Variants in PRLR observed in about 807,000 individuals in gnomAD.
PRLR encodes prolactin receptor.
In PRLR, 13 loss-of-function variants were observed where a neutral mutation model predicts 40.2. The ratio of observed to expected loss-of-function variants is 0.32; its 90% confidence interval spans 0.21 to 0.51. The LOEUF (loss-of-function observed/expected upper bound fraction) is 0.51. PRLR is among the 20% of genes least tolerant of loss of function. The pLI is 0.97. For missense variants in PRLR, 656 were observed against 747.3 expected, an observed-to-expected ratio of 0.88 and a Z score of 1.42; for synonymous variants, 269 against 278.7, an observed-to-expected ratio of 0.97 and a Z score of 0.35.
intron 1 of PRLR, among the ~76,000 whole-genome samples, chr5:35,189,765 G>C (rs1775550367): frequency 6.6e-6 from 1 of 152,094 alleles, no homozygotes; most frequent in African/African-American, 2.4e-5. Context: ...TTCAGCCTTA[G>C]GTTCGTTATC....
At chr5:35,153,087 G>T (rs1774384597) in intron 1 of PRLR, 1 of 152,134 alleles carries the variant, frequency 6.6e-6, no homozygotes. Flanking sequence ...ATCCTTCAGG[G>T]TTATTCTGAA....
intron 6 of PRLR, among the ~76,000 whole-genome samples, chr5:35,071,259 G>A (rs1769729415): frequency 6.6e-6 from 1 of 152,162 alleles, no homozygotes; most frequent in South Asian, 2.1e-4. Flanking sequence ...AAGGTACAAG[G>A]TGGGATACTC....
At chr5:35,182,212 T>G (rs1016848056) in intron 1 of PRLR, among the ~76,000 whole-genome samples, 4 of 152,184 alleles carry the variant, frequency 2.6e-5, no homozygotes, top group African/African-American at 9.7e-5. Flanking sequence ...ATGGCTGACC[T>G]AAAGAAACTG....
downstream of PRLR, among the ~76,000 whole-genome samples, chr5:35,053,877 G>T (rs1049837424): frequency 1.3e-5 from 2 of 152,082 alleles, no homozygotes; most frequent in African/African-American, 4.8e-5. Flanking sequence ...GGTGGTGTGA[G>T]AATTAATATA....
At position 35,185,530 on chromosome 5, in the gene PRLR, G is replaced by T. The variant is rs897771381; in HGVS notation, c.-106+44738C>A. Among the ~76,000 whole-genome samples, 109 of 152,254 alleles carry T rather than the reference G, an allele frequency of 7.2e-4. 2 individuals carry two copies. Among genetic ancestry groups the T allele is most frequent in the Admixed American group, 6.8e-3 (104 of 15,294 alleles). The stretch of plus-strand genomic sequence containing the variant: ...GGGTTTGTGTATCTATCTGTCTGGG[G>T]TCCTGAGGAGGAACCCAGTGGGGAC... On this transcript the variant is annotated intron_variant, in intron 1 of 9. Coordinates refer to ENST00000618457, the MANE Select transcript of PRLR (RefSeq NM_000949.7).
intron 5 of PRLR, among the ~76,000 whole-genome samples, chr5:35,075,943 C>T (rs1278849754): frequency 6.6e-6 from 1 of 152,184 alleles, no homozygotes; most frequent in Admixed American, 6.6e-5. Flanking sequence ...GAGTGGACCT[C>T]CAACAAACTC....
At chr5:35,172,484 A>C (rs1292951319) in intron 1 of PRLR, among the ~76,000 whole-genome samples, 2 of 152,062 alleles carry the variant, frequency 1.3e-5, no homozygotes, top group African/African-American at 4.8e-5. Flanking sequence ...CTTTCTACAG[A>C]ACTCTCCCTT....
downstream of PRLR, among the ~76,000 whole-genome samples, chr5:35,053,303 A>T (rs548495262): frequency 7.2e-5 from 11 of 152,356 alleles, no homozygotes; most frequent in Admixed American, 5.2e-4. Flanking sequence ...AAACCTACAA[A>T]TTATAAGAAT....
rs756651969 is a variant in PRLR, at chr5:35,089,594, G to A, written c.27C>T (p.Thr9=). MKENVASA[T]VFTLLLFLNT... is the part of the protein sequence containing the mutation. Reference sequence around the variant, plus strand: ...TGAGAAAAAGTAGCAGAGTGAAAACGGTTGCAGATGCCACATTTTCCTTCA... The same window carrying A: ...TGAGAAAAAGTAGCAGAGTGAAAACAGTTGCAGATGCCACATTTTCCTTCA... Residue 9 remains threonine, a synonymous_variant, in exon 3 of 10, where the codon ACC becomes ACT. Coordinates refer to ENST00000618457, the MANE Select transcript of PRLR (RefSeq NM_000949.7). The A allele has an allele frequency of 7.4e-6, 12 of 1,613,884 alleles. No individual in the cohort carries two copies. The highest frequency in any genetic ancestry group is 4.0e-5 in the African/African-American group (3 of 74,908).
chr5:35,131,612 G>C (rs1773682087), intron 1 of PRLR, among the ~76,000 whole-genome samples: 1 of 152,148 alleles, frequency 6.6e-6, no homozygotes, highest in Non-Finnish European at 1.5e-5. Flanking sequence ...ACATTCCCTG[G>C]GACGGGCTGG....
intron 1 of PRLR, among the ~76,000 whole-genome samples, chr5:35,198,721 TCTTTTTCTCTCTGCTC>T (rs558459954): frequency 9.8e-5 from 15 of 152,356 alleles, no homozygotes; most frequent in Admixed American, 5.9e-4. Context: ...TGGTCTTTGT[TCTTTTTCTCTCTGCTC>T]CTTTTCCACC....
chr5:35,213,650 T>C (rs551448127), intron 1 of PRLR, among the ~76,000 whole-genome samples: 1 of 152,230 alleles, frequency 6.6e-6, no homozygotes, highest in African/African-American at 2.4e-5. Context: ...CAATGAACAA[T>C]AACAAGCATC....
intron 5 of PRLR, among the ~76,000 whole-genome samples, chr5:35,078,281 G>C (rs1770250738): frequency 2.0e-5 from 3 of 151,886 alleles, no homozygotes; most frequent in Admixed American, 1.3e-4. Flanking sequence ...TTTTTGAAAA[G>C]ATCAACAAAA....
chr5:35,175,091 GGATA>G (rs1019105289), intron 1 of PRLR, among the ~76,000 whole-genome samples: 4 of 152,156 alleles, frequency 2.6e-5, no homozygotes, highest in African/African-American at 4.8e-5. Flanking sequence ...ACAGATGGAT[GGATA>G]GATAGATAGA....
At chr5:35,212,279 T>A (rs1776189346) in intron 1 of PRLR, among the ~76,000 whole-genome samples, 1 of 152,374 alleles carries the variant, frequency 6.6e-6, no homozygotes, top group East Asian at 1.9e-4. Flanking sequence ...TTAAAGATAC[T>A]TCCTGAATTT....
chr5:35,116,451 T>C (rs1021905561), intron 2 of PRLR, among the ~76,000 whole-genome samples: 6 of 152,192 alleles, frequency 3.9e-5, no homozygotes, highest in African/African-American at 1.4e-4. Flanking sequence ...TATGAATACA[T>C]GTCTATGAAT....
intron 1 of PRLR, among the ~76,000 whole-genome samples, chr5:35,178,955 A>T (rs1162089867): frequency 6.6e-6 from 1 of 152,168 alleles, no homozygotes; most frequent in Non-Finnish European, 1.5e-5. Flanking sequence ...ACATCTCCTC[A>T]TGATGTCATA....
chr5:35,205,373 G>A (rs1195017583), intron 1 of PRLR, among the ~76,000 whole-genome samples: 1 of 152,076 alleles, frequency 6.6e-6, no homozygotes, highest in African/African-American at 2.4e-5. Context: ...CCATGTCACT[G>A]TAAACCACAA....
chr5:35,138,343 A>G (rs942021136), intron 1 of PRLR, among the ~76,000 whole-genome samples: 4 of 152,250 alleles, frequency 2.6e-5, no homozygotes, highest in African/African-American at 9.6e-5. Context: ...AAGACAGTAA[A>G]TACTATGTTA....
Sources: allele counts gnomAD v4.1 joint callset (sites outside exome capture counted in the v4.1 genomes callset), GRCh38; gene constraint gnomAD v4.1.1; transcripts MANE v1.5; gene names NCBI Gene and HGNC (gene_info 2026-07-23, HGNC 2026-07-21).